ERG: variants seen among roughly 807,000 people sequenced by gnomAD.
ERG encodes transcriptional regulator ERG.
In ERG, 9 loss-of-function variants were observed where a neutral mutation model predicts 55.3. That is an observed-to-expected ratio of 0.16 (90% CI 0.10 to 0.28). The LOEUF is 0.28. ERG is among the 10% of genes least tolerant of loss of function. The probability of loss-of-function intolerance (pLI) is 1.00; values close to 1 mark genes in which losing one functional copy is unlikely to be tolerated. For synonymous variants in ERG, 223 were observed against 237.3 expected, an observed-to-expected ratio of 0.94 and a Z score of 0.55; for missense variants, 434 against 631.6, an observed-to-expected ratio of 0.69 and a Z score of 3.35.
rs1440542333 is a variant in ERG at position 38,380,306 on chromosome 21, T to C, written c.*3097A>G. The C allele has an allele frequency of 1.9e-6, 2 of 1,055,198 alleles. No individual in the cohort carries two copies. The highest frequency in any genetic ancestry group is 3.3e-5 in the African/African-American group (2 of 60,450). The allele number at this position is 1,055,198 out of a possible 1,614,324, so 65.4% of individuals were successfully genotyped here. ...CTGCTCCTGGGTTGCAGGTGCCACA[T>C]CTGTGCAGAAGGCTTAGGAGAAGCA... On this transcript the variant is annotated 3_prime_UTR_variant, in exon 10 of 10. Coordinates refer to ENST00000288319, the MANE Select transcript of ERG (RefSeq NM_182918.4).
chr21:38,425,100 A>AG (rs1989756491), intron 2 of ERG, among the ~76,000 whole-genome samples: 1 of 152,192 alleles, frequency 6.6e-6, no homozygotes, highest in Non-Finnish European at 1.5e-5. Context: ...AATCCAGCTT[A>AG]GGGCCAGGAG....
chr21:38,426,491 A>G (rs1290823801), intron 2 of ERG, among the ~76,000 whole-genome samples: 2 of 152,224 alleles, frequency 1.3e-5, no homozygotes, highest in African/African-American at 4.8e-5. Context: ...TAAAATCTAG[A>G]CAACCTTTGT....
chr21:38,405,487 C>A (rs1411196221), intron 3 of ERG, among the ~76,000 whole-genome samples: 1 of 152,100 alleles, frequency 6.6e-6, no homozygotes, highest in East Asian at 1.9e-4. Context: ...GATGCCTGGT[C>A]TCCCCTGGGA....
chr21:38,636,460 T>C (rs1213473549), intron 1 of ERG, among the ~76,000 whole-genome samples: 3 of 152,170 alleles, frequency 2.0e-5, no homozygotes, highest in African/African-American at 7.2e-5. Flanking sequence ...ATTGGGCTTT[T>C]ATGCAAAATT....
intron 1 of ERG, among the ~76,000 whole-genome samples, chr21:38,614,261 A>G (rs1276245741): frequency 6.6e-6 from 1 of 152,238 alleles, no homozygotes; most frequent in Non-Finnish European, 1.5e-5. Flanking sequence ...AACGTTGGAT[A>G]GCATTAATGT....
chr21:38,464,237 G>A (rs2059068932), intron 1 of ERG, among the ~76,000 whole-genome samples: 1 of 152,186 alleles, frequency 6.6e-6, no homozygotes, highest in Non-Finnish European at 1.5e-5. Context: ...GTTGAACCCT[G>A]AATTACCATG....
chr21:38,373,061 C>A, the ERG span, among the ~76,000 whole-genome samples: 5 of 152,110 alleles, frequency 3.3e-5, no homozygotes, highest in African/African-American at 4.8e-5. Flanking sequence ...TGCTCCAAAC[C>A]CTATAGGTTG....
intron 1 of ERG, among the ~76,000 whole-genome samples, chr21:38,487,522 C>G (rs1219475680): frequency 6.6e-6 from 1 of 152,176 alleles, no homozygotes; most frequent in East Asian, 1.9e-4. Flanking sequence ...CCAACAGGGT[C>G]CTATCCCATC....
At chr21:38,424,187 G>GCTCTCTCTCTCTCTCTCT (rs1227355474) in intron 2 of ERG, among the ~76,000 whole-genome samples, 4 of 110,078 alleles carry the variant, frequency 3.6e-5, no homozygotes, top group African/African-American at 1.3e-4. Flanking sequence ...CAGAGCTCGA[G>GCTCTCTCTCTCTCTCTCT]CTCTCTCTCT....
chr21:38,380,654 T>A lies in ERG; in HGVS notation c.*2749A>T. 9.4e-7 allele frequency: 1 copy of A among 1,065,130 alleles called. No individual in the cohort carries two copies. Among genetic ancestry groups the A allele is most frequent in the Non-Finnish European group, 1.1e-6 (1 of 879,186 alleles). 66.0% of individuals were successfully genotyped at this position (1,065,130 alleles called of 1,614,324 possible). ...ACAGTAACAGAGAGTTAATGCCATTTTGAAACAATTTAAGAATTATGTATT... is the reference window on the plus strand; with the variant it reads ...ACAGTAACAGAGAGTTAATGCCATTATGAAACAATTTAAGAATTATGTATT... On this transcript the variant is annotated 3_prime_UTR_variant, in exon 10 of 10. Coordinates refer to ENST00000288319, the MANE Select transcript of ERG (RefSeq NM_182918.4).
In ERG at chr21:38,622,790, A is replaced by G. The variant is rs569911227; in HGVS notation, c.-149-37845T>C. Among the ~76,000 whole-genome samples, 429 of 149,974 alleles carry G rather than the reference A, an allele frequency of 2.9e-3. 1 individual carries two copies. Among genetic ancestry groups the G allele is most frequent in the African/African-American group, 9.9e-3 (404 of 40,750 alleles). ...ACCACACACACATCACATACACACC[A>G]TACCACAAACACACACAATCACATA... On this transcript the variant is annotated intron_variant, in intron 1 of 10. Coordinates refer to the ERG transcript ENST00000398910.
chr21:38,552,921 G>A lies in ERG; in HGVS notation c.-41+22741C>T, dbSNP rs1302004986. Among the ~76,000 whole-genome samples the A allele has an allele frequency of 3.3e-5, 5 of 151,480 alleles. 1 individual carries two copies. The highest frequency in any genetic ancestry group is 1.3e-4 in the Admixed American group (2 of 15,208). On this transcript the variant is annotated intron_variant, in intron 2 of 8. Transcript: ENST00000398897. ...CAAACTATCTCTCTTCACAGAGGACGTGATTTATGTCTGGAAAACCTCATT... is the reference window on the plus strand; with the variant it reads ...CAAACTATCTCTCTTCACAGAGGACATGATTTATGTCTGGAAAACCTCATT...
At chr21:38,540,788 C>T (rs1324356663) in intron 2 of ERG, among the ~76,000 whole-genome samples, 1 of 152,202 alleles carries the variant, frequency 6.6e-6, no homozygotes, top group Non-Finnish European at 1.5e-5. Flanking sequence ...AAAGTATGTG[C>T]CACCTGTCAG....
At chr21:38,639,633 C>T (rs1190420528) in intron 1 of ERG, among the ~76,000 whole-genome samples, 1 of 152,184 alleles carries the variant, frequency 6.6e-6, no homozygotes, top group Non-Finnish European at 1.5e-5. Flanking sequence ...ATCTCTGTGA[C>T]ATTTCAGGAC....
upstream of ERG, among the ~76,000 whole-genome samples, chr21:38,585,249 C>A (rs1056762249): frequency 6.6e-6 from 1 of 152,122 alleles, no homozygotes; most frequent in Non-Finnish European, 1.5e-5. Flanking sequence ...TTCCTTATAG[C>A]CCCCAGCTTT....
chr21:38,520,859 T>C (rs1184963583), intron 2 of ERG, among the ~76,000 whole-genome samples: 1 of 152,138 alleles, frequency 6.6e-6, no homozygotes, highest in Admixed American at 6.5e-5. Context: ...GAATACAAGA[T>C]TGGGGAGAGC....
intron 1 of ERG, among the ~76,000 whole-genome samples, chr21:38,459,004 C>T (rs950432335): frequency 6.6e-6 from 1 of 152,162 alleles, no homozygotes; most frequent in African/African-American, 2.4e-5. Context: ...CATATTCCTG[C>T]TATTCCTCCT....
chr21:38,450,958 T>C (rs1305634823), intron 1 of ERG: 17 of 451,460 alleles, frequency 3.8e-5, no homozygotes, highest in South Asian at 2.2e-4. Context: ...ACAGTGAGGA[T>C]GAGGCAGAAA....
chr21:38,605,822 CAGATAGATGAT>C (rs1282895151), intron 1 of ERG, among the ~76,000 whole-genome samples: 6 of 149,648 alleles, frequency 4.0e-5, no homozygotes, highest in South Asian at 2.1e-4. Context: ...TGTTGCAGCC[CAGATAGATGAT>C]AGATAGATGA....
Sources: gnomAD v4.1 joint callset for allele counts (sites outside exome capture counted in the v4.1 genomes callset) on GRCh38, gnomAD v4.1.1 for gene constraint, MANE v1.5 for transcripts, NCBI Gene and HGNC (gene_info 2026-07-23, HGNC 2026-07-21) for gene names.